The following ZNF804B variants were observed in gnomAD, a reference collection of about 807,000 sequenced individuals.
ZNF804B encodes zinc finger protein 804B.
ZNF804B carries 80 observed loss-of-function variants against 101.4 expected under a neutral mutation model. The ratio of observed to expected loss-of-function variants is 0.79; its 90% CI spans 0.66 to 0.95. The LOEUF (loss-of-function observed/expected upper bound fraction) is 0.95, where lower values mean the gene tolerates loss of function less well. ZNF804B is among the 40% of genes least tolerant of loss of function. The probability of loss-of-function intolerance (pLI) is 0.00; values close to 1 mark genes in which losing one functional copy is unlikely to be tolerated. For synonymous variants in ZNF804B, 622 were observed against 558.8 expected (o/e 1.11, Z -1.59); for missense variants, 1,673 against 1,561.9 (o/e 1.07, Z -1.20).
chr7:89,328,335 A>T (rs1790927527), intron 3 of ZNF804B, among the ~76,000 whole-genome samples: 1 of 151,974 alleles, frequency 6.6e-6, no homozygotes, highest in African/African-American at 2.4e-5. Context: ...TGCAATTAAT[A>T]TTCAGCTTGC....
chr7:89,091,071 C>T (rs1458228732), intron 1 of ZNF804B, among the ~76,000 whole-genome samples: 1 of 152,050 alleles, frequency 6.6e-6, no homozygotes, highest in Non-Finnish European at 1.5e-5. Context: ...CTGTTTTCTT[C>T]TTCCAAAATT....
intron 1 of ZNF804B, among the ~76,000 whole-genome samples, chr7:88,903,578 T>C (rs2115958303): frequency 6.6e-6 from 1 of 152,358 alleles, no homozygotes; most frequent in East Asian, 1.9e-4. Flanking sequence ...ATCAACAGTG[T>C]AAAATCATTC....
At chr7:89,222,867 A>G (rs1335214962) in intron 2 of ZNF804B, among the ~76,000 whole-genome samples, 5 of 151,938 alleles carry the variant, frequency 3.3e-5, no homozygotes, top group African/African-American at 1.2e-4. Flanking sequence ...TTTAAAAAAC[A>G]TTGGAATAAT....
At chr7:89,015,680 G>A (rs949144709) in intron 1 of ZNF804B, among the ~76,000 whole-genome samples, 10 of 152,024 alleles carry the variant, frequency 6.6e-5, no homozygotes, top group Non-Finnish European at 1.3e-4. Flanking sequence ...CATTTTTTAT[G>A]GCTGCATAGT....
At chr7:89,039,742 T>C (rs898886989) in intron 1 of ZNF804B, among the ~76,000 whole-genome samples, 1 of 152,022 alleles carries the variant, frequency 6.6e-6, no homozygotes, top group Non-Finnish European at 1.5e-5. Context: ...CTCCATCTTT[T>C]CTGGGTATAG....
intron 2 of ZNF804B, among the ~76,000 whole-genome samples, chr7:89,287,792 T>C (rs1360831473): frequency 1.3e-5 from 2 of 152,146 alleles, no homozygotes; most frequent in Non-Finnish European, 2.9e-5. Context: ...TGGGCATTTA[T>C]GTGCAAACTC....
At chr7:88,912,845 G>C (rs552552351) in intron 1 of ZNF804B, among the ~76,000 whole-genome samples, 1 of 151,874 alleles carries the variant, frequency 6.6e-6, no homozygotes, top group Non-Finnish European at 1.5e-5. Flanking sequence ...TCCAAATATT[G>C]TGCGCATTAA....
At chr7:89,021,441 A>G (rs1245083884) in intron 1 of ZNF804B, among the ~76,000 whole-genome samples, 1 of 152,120 alleles carries the variant, frequency 6.6e-6, no homozygotes, top group Non-Finnish European at 1.5e-5. Context: ...GGTTGTCTCA[A>G]GGGTGTGTCC....
intron 2 of ZNF804B, among the ~76,000 whole-genome samples, chr7:89,226,509 A>C (rs1489833236): frequency 2.1e-5 from 3 of 143,372 alleles, no homozygotes; most frequent in Non-Finnish European, 4.6e-5. Flanking sequence ...GAAATACAGA[A>C]GTGTAGAAAA....
At chr7:88,864,110 T>C (rs1009952287) in intron 1 of ZNF804B, among the ~76,000 whole-genome samples, 3 of 152,234 alleles carry the variant, frequency 2.0e-5, no homozygotes, top group African/African-American at 7.2e-5. Flanking sequence ...AATTCAATGC[T>C]ACTGCCTTCA....
intron 1 of ZNF804B, among the ~76,000 whole-genome samples, chr7:89,047,157 T>C (rs935808730): frequency 6.6e-6 from 1 of 152,152 alleles, no homozygotes; most frequent in Non-Finnish European, 1.5e-5. Flanking sequence ...CATTAACATC[T>C]ATGGGTGATT....
At chr7:89,159,260 G>A (rs943457532) in intron 1 of ZNF804B, among the ~76,000 whole-genome samples, 14 of 152,216 alleles carry the variant, frequency 9.2e-5, no homozygotes, top group African/African-American at 3.4e-4. Context: ...CCTAAATCTG[G>A]GGTAGGTTGG....
At chr7:88,882,141 A>G (rs1300978053) in intron 1 of ZNF804B, among the ~76,000 whole-genome samples, 1 of 152,162 alleles carries the variant, frequency 6.6e-6, no homozygotes, top group African/African-American at 2.4e-5. Context: ...AGTGTTTAAG[A>G]TTGTATGCAG....
At chr7:88,825,828 A>G (rs1791043888) in intron 1 of ZNF804B, among the ~76,000 whole-genome samples, 1 of 152,122 alleles carries the variant, frequency 6.6e-6, no homozygotes, top group African/African-American at 2.4e-5. Flanking sequence ...CTCATCCAAT[A>G]TCCACCAAGT....
chr7:89,298,126 A>AAT lies in ZNF804B; in HGVS notation c.250-29203_250-29202dup, dbSNP rs58674861. 7.6e-4 allele frequency among the ~76,000 whole-genome samples: 92 copies of AAT among 120,266 alleles called. 1 individual carries two copies. Among genetic ancestry groups the AAT allele is most frequent in the Non-Finnish European group, 1.3e-3 (79 of 59,924 alleles). 78.9% of individuals were successfully genotyped at this position (120,266 alleles called of 152,430 possible). A position where few individuals can be genotyped will look rare whatever the true frequency, so the allele number is the denominator to read the frequency against. ...TTGACAAAGGCCTCTATTTCATATAAATATATATATATATATCATATATAT... is the reference window on the plus strand; with the variant it reads ...TTGACAAAGGCCTCTATTTCATATAAATATATATATATATATATCATATATAT... On this transcript the variant is annotated intron_variant, in intron 2 of 3. Coordinates refer to ENST00000333190, the MANE Select transcript of ZNF804B (RefSeq NM_181646.5).
intron 2 of ZNF804B, among the ~76,000 whole-genome samples, chr7:89,319,454 C>G (rs1790785127): frequency 6.6e-6 from 1 of 152,132 alleles, no homozygotes; most frequent in Non-Finnish European, 1.5e-5. Flanking sequence ...CTGAAAACCC[C>G]TCCCATACAT....
At chr7:88,791,985 C>G (rs1470787440) in intron 1 of ZNF804B, among the ~76,000 whole-genome samples, 1 of 152,018 alleles carries the variant, frequency 6.6e-6, no homozygotes, top group Non-Finnish European at 1.5e-5. Flanking sequence ...CTCACTCACT[C>G]ACATGTCTAG....
chr7:89,225,946 T>C (rs1789081743), intron 2 of ZNF804B, among the ~76,000 whole-genome samples: 1 of 152,030 alleles, frequency 6.6e-6, no homozygotes, highest in Non-Finnish European at 1.5e-5. Context: ...GTTCAAGAGT[T>C]CAAGAGAGAC....
intron 1 of ZNF804B, among the ~76,000 whole-genome samples, chr7:88,977,880 T>C (rs895205287): frequency 6.6e-6 from 1 of 151,656 alleles, no homozygotes; most frequent in Non-Finnish European, 1.5e-5. Flanking sequence ...CTGCAAACTT[T>C]CCTCCTAATG....
Sources: gnomAD v4.1 joint callset for allele counts (sites outside exome capture counted in the v4.1 genomes callset) on GRCh38, gnomAD v4.1.1 for gene constraint, MANE v1.5 for transcripts, NCBI Gene and HGNC (gene_info 2026-07-23, HGNC 2026-07-21) for gene names.